The following FMNL1 variants were observed in gnomAD, a reference collection of about 807,000 sequenced individuals.
The protein encoded by FMNL1 is formin like 1.
Under a neutral mutation model 121.3 loss-of-function variants are expected in FMNL1, and 43 were observed. That is an observed-to-expected ratio of 0.35 (90% CI 0.28 to 0.46). The LOEUF (loss-of-function observed/expected upper bound fraction) is 0.46, where lower values mean the gene tolerates loss of function less well. FMNL1 is among the 20% of genes least tolerant of loss of function. The pLI is 1.00. For missense variants in FMNL1, 1,191 were observed against 1,482.4 expected, an observed-to-expected ratio of 0.80 and a Z score of 3.23; for synonymous variants, 613 against 613.5, an observed-to-expected ratio of 1.00 and a Z score of 0.01.
intron 1 of FMNL1, among the ~76,000 whole-genome samples, chr17:45,226,483 C>T (rs946494251): frequency 1.3e-5 from 2 of 152,182 alleles, no homozygotes; most frequent in African/African-American, 4.8e-5. Context: ...ATTTCCCATT[C>T]CCCGGCTGCT....
rs757284604 is a variant in FMNL1, at chr17:45,244,184, T to C, written c.2457T>C (p.Asn819=). 6.2e-7 allele frequency: 1 copy of C among 1,613,076 alleles called. No individual in the cohort carries two copies. Among genetic ancestry groups the C allele is most frequent in the East Asian group, 2.2e-5 (1 of 44,870 alleles). ...CCCCATCCCACCCCCAGCAACTGAATGCCATCATTGCAGCCTCAATGTCCA... is the reference window on the plus strand; with the variant it reads ...CCCCATCCCACCCCCAGCAACTGAACGCCATCATTGCAGCCTCAATGTCCA... ...DTAQLLMPQL[N]AIIAASMSIK... Residue 819 remains asparagine (N), a synonymous_variant, in exon 19 of 27, where the codon AAT becomes AAC. Coordinates refer to ENST00000331495, the MANE Select transcript of FMNL1 (RefSeq NM_005892.4).
chr17:45,232,596 T>A lies in FMNL1; in HGVS notation c.327+116T>A, dbSNP rs116695289. The A allele has an allele frequency of 7.7e-4, 591 of 770,206 alleles. 3 individuals carry two copies. In the African/African-American group the frequency reaches 9.4e-3, roughly 12 times the overall value. 47.7% of individuals were successfully genotyped at this position (770,206 alleles called of 1,614,324 possible). A position where few individuals can be genotyped will look rare whatever the true frequency, so the allele number is the denominator to read the frequency against. On this transcript the variant is annotated intron_variant, in intron 3 of 26. Transcript: ENST00000331495. Reference sequence around the variant, plus strand: ...GTGCGTGTGTGGGTGCATGTATGAGTGTGTGTGTGTGTTTGTGTGTCTGTG... The same window carrying A: ...GTGCGTGTGTGGGTGCATGTATGAGAGTGTGTGTGTGTTTGTGTGTCTGTG...
chr17:45,245,906 A>G lies in FMNL1; in HGVS notation c.3023A>G (p.Lys1008Arg). 6.3e-7 allele frequency: 1 copy of G among 1,592,880 alleles called. No individual in the cohort carries two copies. Among genetic ancestry groups the G allele is most frequent in the Non-Finnish European group, 8.5e-7 (1 of 1,172,880 alleles). ...KKAEQEVEQW[K>R]KEAAAQEAGA... ...GCTGAGCAGGAGGTGGAACAGTGGA[A>G]AAAAGAAGCCGCTGCCCAGGAGGCA... Residue 1008 changes from lysine (K) to arginine (R), a missense_variant, in exon 24 of 27, where the codon AAA becomes AGA. Lys to Arg is a conservative substitution (Grantham distance 26). Coordinates refer to ENST00000331495, the MANE Select transcript of FMNL1 (RefSeq NM_005892.4).
Position 45,247,149 on chromosome 17 carries a change from AAATGCTGCTTGC to A in FMNL1, c.*293_*304del. 1.7e-6 allele frequency: 1 copy of A among 577,608 alleles called. No homozygotes were observed. Among genetic ancestry groups the A allele is most frequent in the South Asian group, 2.1e-5 (1 of 47,510 alleles). The allele number at this position is 577,608 out of a possible 1,614,324, so 35.8% of individuals were successfully genotyped here. Reference sequence around the variant, plus strand: ...GGCAGCATCGCCCGCCCCTTCCCCCAAATGCTGCTTGCAGCACCCACCCTAAAGCCCCCTCCA... The same window carrying A: ...GGCAGCATCGCCCGCCCCTTCCCCCAAGCACCCACCCTAAAGCCCCCTCCA... On this transcript the variant is annotated 3_prime_UTR_variant, in exon 27 of 27. Coordinates refer to ENST00000331495, the MANE Select transcript of FMNL1 (RefSeq NM_005892.4).
At chr17:45,238,379 G>C (rs2043597658) in intron 9 of FMNL1, 185 bp from the exon 10 acceptor site, 1 of 601,648 alleles carries the variant, frequency 1.7e-6, no homozygotes, top group Admixed American at 2.8e-5. Context: ...TGCCAGTGTG[G>C]CCAGAGTGGA....
chr17:45,229,066 CCTGTGGTAGCAGGAG>C (rs1300661546), intron 1 of FMNL1, among the ~76,000 whole-genome samples: 2 of 152,216 alleles, frequency 1.3e-5, no homozygotes, highest in Non-Finnish European at 2.9e-5. Flanking sequence ...ACCCCCTGCC[CCTGTGGTAGCAGGAG>C]CTGTCCTGGC....
chr17:45,246,017 A>G lies in FMNL1; in HGVS notation c.3090+44A>G, dbSNP rs58098973. On this transcript the variant is annotated intron_variant, in intron 24 of 26. Transcript: ENST00000331495. Reference sequence around the variant, plus strand: ...GCTTGGTACTGGGCTGCAGGGATGCATGGCATCTCATCACCCTCTGGTGCC... The same window carrying G: ...GCTTGGTACTGGGCTGCAGGGATGCGTGGCATCTCATCACCCTCTGGTGCC... 744 of 1,518,564 alleles carry G rather than the reference A, an allele frequency of 4.9e-4. 3 individuals are homozygous for G. The African/African-American group carries it at 8.8e-3, about 18-fold the overall frequency. The allele number at this position is 1,518,564 out of a possible 1,614,324, so 94.1% of individuals were successfully genotyped here. A position where few individuals can be genotyped will look rare whatever the true frequency, so the allele number is the denominator to read the frequency against.
rs750004915 is a variant in FMNL1 at position 45,245,409 on chromosome 17, C to A, written c.2885C>A (p.Thr962Lys). 1 of 1,614,128 alleles carries A rather than the reference C, an allele frequency of 6.2e-7. No homozygotes were observed. Among genetic ancestry groups the A allele is most frequent in the Admixed American group, 1.7e-5 (1 of 60,028 alleles). Residue 962 changes from threonine (T) to lysine (K), a missense_variant, in exon 22 of 27, where the codon ACG becomes AAG. Physicochemically the swap from Thr to Lys is moderately conservative, Grantham distance 78. This residue lies in a region of FMNL1 where 367 missense variants were observed against 528.6 expected (regional missense o/e 0.69). Transcript: ENST00000331495. ...TMDKLLADSK[T>K]AQEAFESVVE... ...GACAAGCTGCTGGCAGACAGCAAGA[C>A]GGCTCAGGTGCGCCAGGGCTGGCCT...
At position 45,239,240 on chromosome 17, in the gene FMNL1, A is replaced by G. The variant is rs997948212; in HGVS notation, c.1080+175A>G. 18 of 612,960 alleles carry G rather than the reference A, an allele frequency of 2.9e-5. No homozygotes were observed. In the African/African-American group the frequency reaches 3.3e-4, roughly 11 times the overall value. 38.0% of individuals were successfully genotyped at this position (612,960 alleles called of 1,614,324 possible). A position where few individuals can be genotyped will look rare whatever the true frequency, so the allele number is the denominator to read the frequency against. ...CCTCTCTCTCAGTGTCAGTTTTGCC[A>G]TCTGTGAAATAGGAGAATCATAGAA... On this transcript the variant is annotated intron_variant, in intron 11 of 26. Transcript: ENST00000331495.
chr17:45,233,564 A>G lies in FMNL1; in HGVS notation c.402-84A>G. The G allele has an allele frequency of 1.3e-6, 2 of 1,522,850 alleles. No homozygotes were observed. Among genetic ancestry groups the G allele is most frequent in the Non-Finnish European group, 1.8e-6 (2 of 1,105,154 alleles). The allele number at this position is 1,522,850 out of a possible 1,614,324, so 94.3% of individuals were successfully genotyped here. A position where few individuals can be genotyped will look rare whatever the true frequency, so the allele number is the denominator to read the frequency against. ...TCTTTGGGGGTTGAAAGGGCACCCC[A>G]GGGGTCCTTGCTGTCCCTGTTCTGT... On this transcript the variant is annotated intron_variant, in intron 4 of 26. Coordinates refer to ENST00000331495, the MANE Select transcript of FMNL1 (RefSeq NM_005892.4). This position sits in a 1 kb window ranked among gnomAD's most constrained non-coding sequence, Gnocchi z 4.1.
In FMNL1 at chr17:45,236,194, G is replaced by C; in HGVS notation, c.673G>C (p.Asp225His). Residue 225 changes from aspartate to histidine, a missense_variant, in exon 7 of 27, where the codon GAC (aspartate) becomes CAC (histidine). This residue lies in a region of FMNL1 where 253 missense variants were observed against 417.5 expected (regional missense o/e 0.61). Coordinates refer to ENST00000331495, the MANE Select transcript of FMNL1 (RefSeq NM_005892.4). ...LRNSRIVSQKDDVHVCIMCLR... is the reference protein window; with the variant it reads ...LRNSRIVSQKHDVHVCIMCLR... ...GAATTCCCGCATCGTCAGCCAGAAG[G>C]ACGACGTCCACGTCTGTATTATGTG... 6.2e-7 allele frequency: 1 copy of C among 1,613,992 alleles called. No individual in the cohort carries two copies. The highest frequency in any genetic ancestry group is 2.2e-5 in the East Asian group (1 of 44,878).
At position 45,222,164 on chromosome 17, in the gene FMNL1, C is replaced by A; in HGVS notation, c.40C>A (p.Pro14Thr). The A allele has an allele frequency of 8.3e-7, 1 of 1,210,070 alleles. No homozygotes were observed. Among genetic ancestry groups the A allele is most frequent in the Non-Finnish European group, 1.0e-6 (1 of 975,368 alleles). The allele number at this position is 1,210,070 out of a possible 1,614,324, so 75.0% of individuals were successfully genotyped here. A position where few individuals can be genotyped will look rare whatever the true frequency, so the allele number is the denominator to read the frequency against. The part of the protein sequence containing the change: ...AAGSAEQPAG[P>T]AAPPPKQPAP... ...CGGCAGCGCCGAGCAGCCCGCGGGCCCCGCCGCGCCGCCCCCCAAGCAGCC... is the reference window on the plus strand; with the variant it reads ...CGGCAGCGCCGAGCAGCCCGCGGGCACCGCCGCGCCGCCCCCCAAGCAGCC... The change falls in exon 1 of 27, where the codon CCC (proline) becomes ACC (threonine). Residue 14 changes from proline to threonine, a missense_variant. Transcript: ENST00000331495.
chr17:45,246,807 GC>G, intron 26 of FMNL1, 59 bp from the exon 27 acceptor site: 1 of 698,360 alleles, frequency 1.4e-6, no homozygotes, highest in Non-Finnish European at 2.6e-6. Context: ...GTGCCCTGGA[GC>G]CATGCTCCCA....
chr17:45,230,279 G>C lies in FMNL1; in HGVS notation c.130-325G>C, dbSNP rs373415941. Among the ~76,000 whole-genome samples the C allele has an allele frequency of 4.6e-5, 7 of 152,294 alleles. No homozygotes were observed. The South Asian group carries it at 1.2e-3, about 27-fold the overall frequency. On this transcript the variant is annotated intron_variant, in intron 1 of 26. Transcript: ENST00000331495. ...AAAACTGGGGCCCAGAAGTGTCTCA[G>C]GTCCCCAGAGAGGTAGGCTGACAAC...
chr17:45,222,202 G>A lies in FMNL1; in HGVS notation c.78G>A (p.Lys26=), dbSNP rs1379001783. ...CCCCCAAGCAGCCCGCGCCTCCCAA[G>A]CAGCCGATGCCCGCGGCCGGAGAGC... ...APPPKQPAPP[K]QPMPAAGELE... is the part of the protein sequence containing the mutation. Residue 26 remains lysine (K), a synonymous_variant, in exon 1 of 27, where the codon AAG becomes AAA. Coordinates refer to ENST00000331495, the MANE Select transcript of FMNL1 (RefSeq NM_005892.4). 6 of 1,249,276 alleles carry A rather than the reference G, an allele frequency of 4.8e-6. No homozygotes were observed. The highest frequency in any genetic ancestry group is 6.1e-6 in the Non-Finnish European group (6 of 991,466). 77.4% of individuals were successfully genotyped at this position (1,249,276 alleles called of 1,614,324 possible).
At chr17:45,230,126 C>T (rs138696209) in intron 1 of FMNL1, among the ~76,000 whole-genome samples, 3 of 152,334 alleles carry the variant, frequency 2.0e-5, no homozygotes, top group African/African-American at 7.2e-5. Context: ...TCTGTGTACA[C>T]GTGGGATCTG....
At position 45,233,967 on chromosome 17, in the gene FMNL1, C is replaced by T. The variant is rs1037784735; in HGVS notation, c.486-105C>T. On this transcript the variant is annotated intron_variant, in intron 5 of 26. Coordinates refer to ENST00000331495, the MANE Select transcript of FMNL1 (RefSeq NM_005892.4). The surrounding 1 kb of genome is among the most constrained non-coding windows in gnomAD (Gnocchi z 4.1). ...CCAAGAACACAGCCTCCTCCTCCTGCTCCTTAGTCTCACCTGCAGGTCTGT... is the reference window on the plus strand; with the variant it reads ...CCAAGAACACAGCCTCCTCCTCCTGTTCCTTAGTCTCACCTGCAGGTCTGT... 31 of 1,481,514 alleles carry T rather than the reference C, an allele frequency of 2.1e-5. No homozygotes were observed. In the Middle Eastern group the frequency reaches 6.4e-4, roughly 31 times the overall value. 91.8% of individuals were successfully genotyped at this position (1,481,514 alleles called of 1,614,324 possible). A position where few individuals can be genotyped will look rare whatever the true frequency, so the allele number is the denominator to read the frequency against.
chr17:45,245,463 T>C, intron 22 of FMNL1, 47 bp downstream of exon 22: 21 of 1,612,746 alleles, frequency 1.3e-5, no homozygotes, highest in Non-Finnish European at 1.8e-5. Context: ...GTAGGAGCAC[T>C]AGATAGCACA....
intron 1 of FMNL1, among the ~76,000 whole-genome samples, chr17:45,225,433 T>G (rs1172907416): frequency 6.6e-6 from 1 of 152,218 alleles, no homozygotes; most frequent in Admixed American, 6.5e-5. Flanking sequence ...GCCTGCCATT[T>G]GCAGGACAGA....
Sources: allele counts gnomAD v4.1 joint callset (sites outside exome capture counted in the v4.1 genomes callset), GRCh38; gene constraint gnomAD v4.1.1; regional missense constraint gnomAD v4.1.1; non-coding constraint Gnocchi (gnomAD v3.1); transcripts MANE v1.5; gene names NCBI Gene and HGNC (gene_info 2026-07-23, HGNC 2026-07-21).